The following ARHGAP17 variants were observed in gnomAD, a reference collection of about 807,000 sequenced individuals.
ARHGAP17 encodes the protein Rho GTPase activating protein 17, also known as rho GTPase-activating protein 17.
In ARHGAP17, 57 loss-of-function variants were observed where a neutral mutation model predicts 99.5. The ratio of observed to expected loss-of-function variants is 0.57; its 90% CI spans 0.46 to 0.71. The LOEUF (loss-of-function observed/expected upper bound fraction) is 0.71. Ranked by LOEUF, ARHGAP17 falls within the 30% of genes least tolerant of loss-of-function variation. The probability of loss-of-function intolerance (pLI) is 0.00; values close to 1 mark genes in which losing one functional copy is unlikely to be tolerated. For synonymous variants in ARHGAP17, 417 were observed against 429.6 expected (o/e 0.97, Z 0.36); for missense variants, 1,000 against 1,122.4 (o/e 0.89, Z 1.56).
chr16:25,013,217 T>G lies in ARHGAP17; in HGVS notation c.53+1992A>C, dbSNP rs140893052. On this transcript the variant is annotated intron_variant, in intron 1 of 19. Transcript: ENST00000289968. ...GGCTGAAGAATGAGCAAGAGGTGCC[T>G]GGAGAAAAGGTGTGGTGGGAGAGGC... is the stretch of plus-strand genomic sequence containing the variant. Among the ~76,000 whole-genome samples the G allele has an allele frequency of 1.8e-3, 279 of 152,238 alleles. 1 individual carries two copies. Among genetic ancestry groups the G allele is most frequent in the Non-Finnish European group, 3.0e-3 (206 of 68,012 alleles).
intron 7 of ARHGAP17, 131 bp from the exon 8 acceptor site, chr16:24,960,110 G>T: frequency 1.3e-6 from 1 of 788,610 alleles, no homozygotes; most frequent in Non-Finnish European, 2.1e-6. Context: ...TCCATCAACT[G>T]CCTGGTACAA....
intron 1 of ARHGAP17, among the ~76,000 whole-genome samples, chr16:24,995,010 A>C (rs1172513543): frequency 6.6e-6 from 1 of 152,192 alleles, no homozygotes. Flanking sequence ...AAGGGGAAGC[A>C]AACACGTCCT....
At chr16:24,933,459 G>A (rs897937193) in intron 18 of ARHGAP17, among the ~76,000 whole-genome samples, 2 of 151,186 alleles carry the variant, frequency 1.3e-5, no homozygotes, top group African/African-American at 4.9e-5. Context: ...TCCAGCATGG[G>A]TGAGAAAACG....
intron 1 of ARHGAP17, among the ~76,000 whole-genome samples, chr16:24,984,441 C>T (rs1294899518): frequency 1.3e-5 from 2 of 152,124 alleles, no homozygotes; most frequent in East Asian, 1.9e-4. Context: ...CCAAGGCAGG[C>T]GGATCACGAG....
intron 6 of ARHGAP17, 60 bp from the exon 7 acceptor site, chr16:24,964,368 G>A: frequency 1.7e-6 from 2 of 1,158,188 alleles, no homozygotes; most frequent in Non-Finnish European, 1.3e-6. Context: ...AACAGCTGGA[G>A]GCAGGACCTG....
intron 4 of ARHGAP17, among the ~76,000 whole-genome samples, chr16:24,969,161 C>T (rs1022470209): frequency 2.0e-5 from 3 of 152,180 alleles, no homozygotes; most frequent in Non-Finnish European, 4.4e-5. Flanking sequence ...GGCCAGGCTC[C>T]CTTTCTGCTA....
rs748370613 is a variant in ARHGAP17, at chr16:24,920,121, G to A, written c.*9C>T. ...GTGGAAGTGGTGGAGGGCTGGGAAA[G>A]GGCTTTCTTCACAGGGCAGTGCTCT... is the stretch of plus-strand genomic sequence containing the variant. On this transcript the variant is annotated 3_prime_UTR_variant, in exon 20 of 20. Transcript: ENST00000289968. 1.1e-5 allele frequency: 17 copies of A among 1,611,666 alleles called. No individual in the cohort carries two copies. The highest frequency in any genetic ancestry group is 1.4e-5 in the Non-Finnish European group (17 of 1,178,320).
intron 18 of ARHGAP17, among the ~76,000 whole-genome samples, chr16:24,933,018 C>G (rs1470405570): frequency 6.6e-6 from 1 of 152,156 alleles, no homozygotes; most frequent in African/African-American, 2.4e-5. Flanking sequence ...AGGGCAAGCT[C>G]TGTTATCCCC....
chr16:24,985,188 CCACA>C (rs57147061), intron 1 of ARHGAP17, among the ~76,000 whole-genome samples: 66,898 of 150,252 alleles, frequency 0.45, 15,231 homozygotes, highest in African/African-American at 0.56. Context: ...AAATGCAACC[CCACA>C]CACACACACA....
chr16:24,972,926 C>T (rs944538801), intron 3 of ARHGAP17, among the ~76,000 whole-genome samples: 1 of 143,824 alleles, frequency 7.0e-6, no homozygotes, highest in African/African-American at 2.7e-5. Flanking sequence ...AGCTTTCTAT[C>T]ATCAGGGATA....
intron 5 of ARHGAP17, 54 bp from the exon 6 acceptor site, chr16:24,968,481 A>G: frequency 6.3e-7 from 1 of 1,598,642 alleles, no homozygotes; most frequent in Non-Finnish European, 8.6e-7. Context: ...TAGGTTAACC[A>G]TTTTAAAGTA....
At chr16:24,920,363 A>C in intron 19 of ARHGAP17, 103 bp from the exon 20 acceptor site, 1 of 1,451,314 alleles carries the variant, frequency 6.9e-7, no homozygotes, top group South Asian at 1.2e-5. Context: ...TTTCAGGGTC[A>C]GCCCATGCAC....
At position 25,015,268 on chromosome 16, in the gene ARHGAP17, G is replaced by A; in HGVS notation, c.-7C>T. The A allele has an allele frequency of 1.5e-6, 2 of 1,341,766 alleles. No homozygotes were observed. Among genetic ancestry groups the A allele is most frequent in the East Asian group, 3.2e-5 (1 of 31,282 alleles). The allele number at this position is 1,341,766 out of a possible 1,614,324, so 83.1% of individuals were successfully genotyped here. A position where few individuals can be genotyped will look rare whatever the true frequency, so the allele number is the denominator to read the frequency against. ...GGTTGAACTGCTTCTTCATGGCGGCGGTGGCGGCGGCGGCCCGCGGGGCTC... is the reference window on the plus strand; with the variant it reads ...GGTTGAACTGCTTCTTCATGGCGGCAGTGGCGGCGGCGGCCCGCGGGGCTC... On this transcript the variant is annotated 5_prime_UTR_variant, in exon 1 of 20. Coordinates refer to ENST00000289968, the MANE Select transcript of ARHGAP17 (RefSeq NM_001006634.3).
At chr16:24,934,161 AT>A (rs199861771) in intron 18 of ARHGAP17, among the ~76,000 whole-genome samples, 3 of 151,024 alleles carry the variant, frequency 2.0e-5, no homozygotes, top group Non-Finnish European at 4.4e-5. Flanking sequence ...AATTTAATCC[AT>A]TTTTTTTTCT....
intron 1 of ARHGAP17, 43 bp downstream of exon 1, chr16:25,015,166 C>T: frequency 8.0e-7 from 1 of 1,251,276 alleles, no homozygotes. Flanking sequence ...CCGCCCTCCG[C>T]CCCCAGCCCC....
intron 1 of ARHGAP17, among the ~76,000 whole-genome samples, chr16:24,999,733 A>G (rs964606692): frequency 6.6e-6 from 1 of 152,076 alleles, no homozygotes; most frequent in Non-Finnish European, 1.5e-5. Flanking sequence ...GCTATCTTTT[A>G]TTGTTCTTTC....
intron 1 of ARHGAP17, among the ~76,000 whole-genome samples, chr16:24,992,540 T>G (rs2053078032): frequency 6.6e-6 from 1 of 152,104 alleles, no homozygotes. Flanking sequence ...TTCACCATGT[T>G]GGCCAGGATG....
Position 24,954,745 on chromosome 16 carries a change from T to G in ARHGAP17, c.725-15A>C, listed in dbSNP as rs746541180. On this transcript the variant is annotated splice_polypyrimidine_tract_variant and intron_variant, in intron 9 of 19. Transcript: ENST00000289968. The stretch of plus-strand genomic sequence containing the variant: ...CGCCCACTTATCTAGAGCAGCAAAT[T>G]GTTCAGTTAGACACCCAACAAACTC... The G allele has an allele frequency of 1.2e-6, 2 of 1,613,036 alleles. No individual in the cohort carries two copies. Among genetic ancestry groups the G allele is most frequent in the Non-Finnish European group, 1.7e-6 (2 of 1,179,532 alleles).
intron 6 of ARHGAP17, 55 bp from the exon 7 acceptor site, chr16:24,964,363 CTGGAGGCAGGACCTGG>C: frequency 8.1e-7 from 1 of 1,237,874 alleles, no homozygotes; most frequent in Non-Finnish European, 1.2e-6. Flanking sequence ...TACTCAACAG[CTGGAGGCAGGACCTGG>C]TGGAGATAGA....
Sources: gnomAD v4.1 joint callset for allele counts (sites outside exome capture counted in the v4.1 genomes callset) on GRCh38, gnomAD v4.1.1 for gene constraint, MANE v1.5 for transcripts, NCBI Gene and HGNC (gene_info 2026-07-23, HGNC 2026-07-21) for gene names.